SH3PXD2A: variants seen among roughly 807,000 people sequenced by gnomAD.
SH3PXD2A encodes the protein SH3 and PX domain-containing protein 2A.
Under a neutral mutation model 115.2 loss-of-function variants are expected in SH3PXD2A, and 32 were observed. That is an observed-to-expected ratio of 0.28 (90% CI 0.21 to 0.37). The LOEUF (loss-of-function observed/expected upper bound fraction) is 0.37, where lower values mean the gene tolerates loss of function less well. Ranked by LOEUF, SH3PXD2A falls within the 10% of genes least tolerant of loss-of-function variation. The probability of loss-of-function intolerance (pLI) is 1.00; values close to 1 mark genes in which losing one functional copy is unlikely to be tolerated. For missense variants in SH3PXD2A, 1,328 were observed against 1,498.7 expected (o/e 0.89, Z 1.88); for synonymous variants, 610 against 629.1 (o/e 0.97, Z 0.45).
chr10:103,635,219 G>A (rs1295508024), intron 8 of SH3PXD2A, among the ~76,000 whole-genome samples: 1 of 152,240 alleles, frequency 6.6e-6, no homozygotes, highest in Non-Finnish European at 1.5e-5. Flanking sequence ...CGGGGCAGCT[G>A]TTCTCTGGCT....
intron 1 of SH3PXD2A, among the ~76,000 whole-genome samples, chr10:103,807,633 G>A (rs2039220497): frequency 2.0e-5 from 3 of 152,196 alleles, no homozygotes; most frequent in Admixed American, 2.0e-4. Context: ...GTGCACCCTG[G>A]CTCAGGACTG....
chr10:103,601,602 T>G lies in SH3PXD2A; in HGVS notation c.*214A>C. 2.0e-6 allele frequency: 1 copy of G among 510,390 alleles called. No individual in the cohort carries two copies. Among genetic ancestry groups the G allele is most frequent in the Admixed American group, 3.5e-5 (1 of 28,686 alleles). 31.6% of individuals were successfully genotyped at this position (510,390 alleles called of 1,614,324 possible). A position where few individuals can be genotyped will look rare whatever the true frequency, so the allele number is the denominator to read the frequency against. On this transcript the variant is annotated 3_prime_UTR_variant, in exon 15 of 15. Transcript: ENST00000369774. ...CCTGGGACTCCCTGGTCCATTCCCT[T>G]CCTCACTCAGTGTGGGCACCCCCAT...
intron 1 of SH3PXD2A, among the ~76,000 whole-genome samples, chr10:103,832,754 G>T (rs951779961): frequency 1.3e-5 from 2 of 152,272 alleles, no homozygotes; most frequent in South Asian, 2.1e-4. Context: ...CTGGGGCAGG[G>T]TGGGGGAGGG....
At chr10:103,846,952 A>G (rs1842853508) in intron 1 of SH3PXD2A, among the ~76,000 whole-genome samples, 1 of 152,208 alleles carries the variant, frequency 6.6e-6, no homozygotes, top group South Asian at 2.1e-4. Flanking sequence ...CCTGTACAGT[A>G]TGGATGCTGG....
Position 103,599,271 on chromosome 10 carries a change from G to T in SH3PXD2A, c.*2545C>A, listed in dbSNP as rs558267266. On this transcript the variant is annotated 3_prime_UTR_variant, in exon 15 of 15. Coordinates refer to ENST00000369774, the MANE Select transcript of SH3PXD2A (RefSeq NM_001394015.1). ...GGGGGTCAAGGAGAGGGGGTCCTTG[G>T]GGGGGGCTGGGAGAATGTGGGGGGC... 7.2e-6 allele frequency: 1 copy of T among 138,324 alleles called. No individual in the cohort carries two copies. Among genetic ancestry groups the T allele is most frequent in the Non-Finnish European group, 1.6e-5 (1 of 63,594 alleles). The allele number at this position is 138,324 out of a possible 1,614,324, so 8.6% of individuals were successfully genotyped here. A position where few individuals can be genotyped will look rare whatever the true frequency, so the allele number is the denominator to read the frequency against.
chr10:103,797,438 C>T (rs148315524), intron 2 of SH3PXD2A, among the ~76,000 whole-genome samples: 4 of 152,190 alleles, frequency 2.6e-5, no homozygotes, highest in African/African-American at 9.6e-5. Context: ...CTGACTTTCC[C>T]CATTTCCGGT....
intron 6 of SH3PXD2A, among the ~76,000 whole-genome samples, chr10:103,671,184 G>A (rs1393365098): frequency 6.6e-6 from 1 of 152,228 alleles, no homozygotes; most frequent in Non-Finnish European, 1.5e-5. Context: ...TGCTTTGCTG[G>A]ACAGGTGCTT....
chr10:103,835,805 C>T (rs931029127), intron 1 of SH3PXD2A, among the ~76,000 whole-genome samples: 1 of 152,188 alleles, frequency 6.6e-6, no homozygotes, highest in Non-Finnish European at 1.5e-5. Flanking sequence ...TGCAGCCAGG[C>T]CTCAGAGCCT....
Position 103,849,815 on chromosome 10 carries a change from C to A in SH3PXD2A, c.72+5380G>T, listed in dbSNP as rs1357455052. Among the ~76,000 whole-genome samples the A allele has an allele frequency of 2.6e-5, 4 of 152,196 alleles. No individual in the cohort carries two copies. The East Asian group carries it at 7.7e-4, about 29-fold the overall frequency. ...CAGAATCTCCACCTCATTTCCCACA[C>A]ACACCCCTTGTCCTTCCTGTCCCCT... On this transcript the variant is annotated intron_variant, in intron 1 of 14. Transcript: ENST00000369774.
chr10:103,602,378 G>A lies in SH3PXD2A; in HGVS notation c.2840C>T (p.Pro947Leu), dbSNP rs1290409624. 4 of 1,613,890 alleles carry A rather than the reference G, an allele frequency of 2.5e-6. No individual in the cohort carries two copies. Among genetic ancestry groups the A allele is most frequent in the Non-Finnish European group, 3.4e-6 (4 of 1,179,956 alleles). Residue 947 changes from proline (P) to leucine (L), a missense_variant, in exon 15 of 15, where the codon CCC (proline) becomes CTC (leucine). By Grantham distance (98) the Pro-to-Leu change is moderately conservative. This residue lies in a region of SH3PXD2A where 574 missense variants were observed against 565.7 expected (regional missense o/e 1.01). Transcript: ENST00000369774. ...NTVNQSKKAT[P>L]PIPSKPPGGF... ...CCCGGGAGGTTTGGAGGGGATGGGGGGCGTGGCCTTCTTGCTCTGGTTGAC... is the reference window on the plus strand; with the variant it reads ...CCCGGGAGGTTTGGAGGGGATGGGGAGCGTGGCCTTCTTGCTCTGGTTGAC...
At chr10:103,815,119 A>G (rs1480609861) in intron 1 of SH3PXD2A, among the ~76,000 whole-genome samples, 1 of 152,242 alleles carries the variant, frequency 6.6e-6, no homozygotes, top group African/African-American at 2.4e-5. Flanking sequence ...AGAAGAAAAC[A>G]TAGCACAAAT....
At chr10:103,723,154 C>T (rs2038202516) in intron 5 of SH3PXD2A, among the ~76,000 whole-genome samples, 1 of 152,164 alleles carries the variant, frequency 6.6e-6, no homozygotes, top group Non-Finnish European at 1.5e-5. Context: ...ACCAGGTTCC[C>T]CCTGCCTCTC....
intron 9 of SH3PXD2A, among the ~76,000 whole-genome samples, chr10:103,625,793 G>C (rs2036682357): frequency 1.3e-5 from 2 of 152,272 alleles, no homozygotes; most frequent in African/African-American, 4.8e-5. Flanking sequence ...AGGAGGCTGA[G>C]ACATGAGAAT....
chr10:103,702,416 A>T (rs1336418070), intron 5 of SH3PXD2A, among the ~76,000 whole-genome samples: 2 of 152,218 alleles, frequency 1.3e-5, no homozygotes, highest in East Asian at 3.8e-4. Flanking sequence ...TTTCCAGGAC[A>T]GGGAGATCAG....
At chr10:103,717,295 C>T (rs1375943134) in intron 5 of SH3PXD2A, among the ~76,000 whole-genome samples, 1 of 152,182 alleles carries the variant, frequency 6.6e-6, no homozygotes, top group Non-Finnish European at 1.5e-5. Context: ...TTACTAGGTG[C>T]CAGGTCCTGG....
chr10:103,706,691 G>C (rs1224662576), intron 5 of SH3PXD2A, among the ~76,000 whole-genome samples: 4 of 152,138 alleles, frequency 2.6e-5, no homozygotes, highest in Admixed American at 6.5e-5. Flanking sequence ...GCTGCCGGAT[G>C]GTCTCAAGAG....
At chr10:103,739,459 G>C (rs1278094133) in intron 3 of SH3PXD2A, among the ~76,000 whole-genome samples, 1 of 149,306 alleles carries the variant, frequency 6.7e-6, no homozygotes, top group Non-Finnish European at 1.5e-5. Flanking sequence ...GGGGGAGAGA[G>C]GGAGGGAGAG....
rs1389500493 is a variant in SH3PXD2A, at chr10:103,719,608, G to A, written c.398+4662C>T. Among the ~76,000 whole-genome samples, 3 of 151,872 alleles carry A rather than the reference G, an allele frequency of 2.0e-5. No individual in the cohort carries two copies. In the East Asian group the frequency reaches 5.8e-4, roughly 29 times the overall value. On this transcript the variant is annotated intron_variant, in intron 5 of 14. Transcript: ENST00000369774. ...AAGTTCATACTCTCCTGGAGCCTGT[G>A]TTCTAGTGGGAGGGGCCAACAATAA...
chr10:103,756,551 C>T lies in SH3PXD2A; in HGVS notation c.229+10543G>A, dbSNP rs917266194. ...GCTCCTGGGGAGGGAGGCTGCCCAC[C>T]ACAAAGCACCTTTCATATGCTCCAA... is the stretch of plus-strand genomic sequence containing the variant. On this transcript the variant is annotated intron_variant, in intron 3 of 14. Transcript: ENST00000369774. The surrounding 1 kb of genome is among the most constrained non-coding windows in gnomAD (Gnocchi z 4.4). Among the ~76,000 whole-genome samples, 9 of 152,116 alleles carry T rather than the reference C, an allele frequency of 5.9e-5. No homozygotes were observed. The highest frequency in any genetic ancestry group is 2.2e-4 in the African/African-American group (9 of 41,420).
Sources: allele counts gnomAD v4.1 joint callset (sites outside exome capture counted in the v4.1 genomes callset), GRCh38; gene constraint gnomAD v4.1.1; regional missense constraint gnomAD v4.1.1; non-coding constraint Gnocchi (gnomAD v3.1); transcripts MANE v1.5; gene names NCBI Gene and HGNC (gene_info 2026-07-23, HGNC 2026-07-21).